The following BRIP1 variants were observed in gnomAD, a reference collection of about 807,000 sequenced individuals.
BRIP1 encodes BRCA1 interacting DNA helicase 1, also known as Fanconi anemia group J protein.
A neutral mutation model predicts 119.7 loss-of-function variants in BRIP1; 88 were observed. The observed-to-expected ratio is 0.74, with a 90% CI of 0.62 to 0.88. The LOEUF (loss-of-function observed/expected upper bound fraction) is 0.88, where lower values mean the gene tolerates loss of function less well. Ranked by LOEUF, BRIP1 falls within the 40% of genes least tolerant of loss-of-function variation. The pLI is 0.00. For missense variants in BRIP1, 1,259 were observed against 1,455.4 expected, an observed-to-expected ratio of 0.87 and a Z score of 2.20; for synonymous variants, 443 against 496.5, an observed-to-expected ratio of 0.89 and a Z score of 1.43.
In BRIP1 at chr17:61,720,851, CT is replaced by C. The variant is rs1055742955; in HGVS notation, c.2380-4789del. ...TACTCTATAACACTGTTAACTTTTT[CT>C]TTTTTTTTTGAGACAGAGTCTCGCT... On this transcript the variant is annotated intron_variant, in intron 16 of 19. Coordinates refer to ENST00000259008, the MANE Select transcript of BRIP1 (RefSeq NM_032043.3). The surrounding 1 kb of genome is among the most constrained non-coding windows in gnomAD (Gnocchi z 4.3). 8.7e-5 allele frequency among the ~76,000 whole-genome samples: 13 copies of C among 149,228 alleles called. No individual in the cohort carries two copies. The highest frequency in any genetic ancestry group is 7.5e-5 in the Non-Finnish European group (5 of 67,030).
In BRIP1 at chr17:61,725,122, AGTGTGTGTGTGTGT is replaced by A. The variant is rs57246896; in HGVS notation, c.2380-9073_2380-9060del. ...AGATTTCTGACACAGTTAACCAAAT[AGTGTGTGTGTGTGT>A]GTGTGTGTGTATATACACTTTTTTT... is the stretch of plus-strand genomic sequence containing the variant. On this transcript the variant is annotated intron_variant, in intron 16 of 19. Coordinates refer to ENST00000259008, the MANE Select transcript of BRIP1 (RefSeq NM_032043.3). This position sits in a 1 kb window ranked among gnomAD's most constrained non-coding sequence, Gnocchi z 5.3. Among the ~76,000 whole-genome samples, 1 of 151,376 alleles carries A rather than the reference AGTGTGTGTGTGTGT, an allele frequency of 6.6e-6. No homozygotes were observed. Among genetic ancestry groups the A allele is most frequent in the African/African-American group, 2.4e-5 (1 of 41,308 alleles).
In BRIP1 at chr17:61,735,405, A is replaced by G. The variant is rs1305428418; in HGVS notation, c.2379+7608T>C. 6.6e-6 allele frequency among the ~76,000 whole-genome samples: 1 copy of G among 152,044 alleles called. No individual in the cohort carries two copies. The highest frequency in any genetic ancestry group is 1.5e-5 in the Non-Finnish European group (1 of 68,010). ...GCTGACTGGGGCTAGAGAGCTTCCT[A>G]TTGGCCTCTGGAAGTATACTGTCAT... On this transcript the variant is annotated intron_variant, in intron 16 of 19. Coordinates refer to ENST00000259008, the MANE Select transcript of BRIP1 (RefSeq NM_032043.3). This position sits in a 1 kb window ranked among gnomAD's most constrained non-coding sequence, Gnocchi z 4.4.
At chr17:61,818,553 A>C (rs967671469) in intron 6 of BRIP1, among the ~76,000 whole-genome samples, 27 of 152,282 alleles carry the variant, frequency 1.8e-4, no homozygotes, top group Admixed American at 3.3e-4. Context: ...AAGTATCTAG[A>C]AAAACCAATC....
intron 10 of BRIP1, among the ~76,000 whole-genome samples, chr17:61,785,899 T>A (rs1040606003): frequency 6.6e-6 from 1 of 151,726 alleles, no homozygotes; most frequent in African/African-American, 2.4e-5. Flanking sequence ...TCAATTCCAG[T>A]TAGCTTACCT....
rs1032321856 is a variant in BRIP1, at chr17:61,843,019, A to G, written c.627+4082T>C. 6.6e-6 allele frequency among the ~76,000 whole-genome samples: 1 copy of G among 152,240 alleles called. No homozygotes were observed. The highest frequency in any genetic ancestry group is 2.4e-5 in the African/African-American group (1 of 41,464). On this transcript the variant is annotated intron_variant, in intron 6 of 19. Coordinates refer to ENST00000259008, the MANE Select transcript of BRIP1 (RefSeq NM_032043.3). This position sits in a 1 kb window ranked among gnomAD's most constrained non-coding sequence, Gnocchi z 5.7. ...AAAATGTGGTGTGTATGTGTATGTC[A>G]ATGGAATATTAGCCCTAAAAAAGAT...
Position 61,755,442 on chromosome 17 carries a change from C to T in BRIP1, c.2098-10851G>A, listed in dbSNP as rs942052256. Among the ~76,000 whole-genome samples the T allele has an allele frequency of 1.4e-4, 21 of 151,948 alleles. No individual in the cohort carries two copies. The highest frequency in any genetic ancestry group is 5.1e-4 in the African/African-American group (21 of 41,360). On this transcript the variant is annotated intron_variant, in intron 14 of 19. Transcript: ENST00000259008. This position sits in a 1 kb window ranked among gnomAD's most constrained non-coding sequence, Gnocchi z 4.5. ...GGTGTGGTGGTGTGTGCCTGTGATC[C>T]CAGTTACTCAGGAGGCTGAGGTGGG...
rs1402937057 is a variant in BRIP1, at chr17:61,832,218, T to G, written c.627+14883A>C. On this transcript the variant is annotated intron_variant, in intron 6 of 19. Transcript: ENST00000259008. The surrounding 1 kb of genome is among the most constrained non-coding windows in gnomAD (Gnocchi z 5.5). The stretch of plus-strand genomic sequence containing the variant: ...AAGGAAGCGTTCCAAGAATGATTGA[T>G]ATATGTCAGAAAGACACAAGCAACT... Among the ~76,000 whole-genome samples the G allele has an allele frequency of 6.6e-6, 1 of 152,198 alleles. No homozygotes were observed. The highest frequency in any genetic ancestry group is 1.5e-5 in the Non-Finnish European group (1 of 68,024).
Position 61,793,465 on chromosome 17 carries a change from T to G in BRIP1, c.1473+132A>C, listed in dbSNP as rs1188035990. ...CTTAAAGATTATCAAATTTAGATAATAAAATTTTTAAAAAATTAAATTGCT... is the reference window on the plus strand; with the variant it reads ...CTTAAAGATTATCAAATTTAGATAAGAAAATTTTTAAAAAATTAAATTGCT... On this transcript the variant is annotated intron_variant, in intron 10 of 19. Coordinates refer to ENST00000259008, the MANE Select transcript of BRIP1 (RefSeq NM_032043.3). This position sits in a 1 kb window ranked among gnomAD's most constrained non-coding sequence, Gnocchi z 5.2. The G allele has an allele frequency of 6.5e-6, 5 of 772,526 alleles. No individual in the cohort carries two copies. The Admixed American group carries it at 1.5e-4, about 24-fold the overall frequency. 47.9% of individuals were successfully genotyped at this position (772,526 alleles called of 1,614,324 possible). A position where few individuals can be genotyped will look rare whatever the true frequency, so the allele number is the denominator to read the frequency against.
Position 61,742,626 on chromosome 17 carries a change from A to G in BRIP1, c.2379+387T>C, listed in dbSNP as rs758306955. ...AGTCCCAAGGAGAGAGAAATGGGGG[A>G]AGGGTAGTCAGTGGAGCAGTTAGAA... On this transcript the variant is annotated intron_variant, in intron 16 of 19. Transcript: ENST00000259008. This position sits in a 1 kb window ranked among gnomAD's most constrained non-coding sequence, Gnocchi z 4.7. Among the ~76,000 whole-genome samples the G allele has an allele frequency of 5.9e-4, 90 of 152,218 alleles. No homozygotes were observed. Among genetic ancestry groups the G allele is most frequent in the Non-Finnish European group, 9.7e-4 (66 of 68,014 alleles).
rs2077784034 is a variant in BRIP1, at chr17:61,789,521, G to T, written c.1473+4076C>A. Among the ~76,000 whole-genome samples the T allele has an allele frequency of 6.6e-6, 1 of 151,902 alleles. No homozygotes were observed. The highest frequency in any genetic ancestry group is 1.5e-5 in the Non-Finnish European group (1 of 67,980). On this transcript the variant is annotated intron_variant, in intron 10 of 19. Coordinates refer to ENST00000259008, the MANE Select transcript of BRIP1 (RefSeq NM_032043.3). The surrounding 1 kb of genome is among the most constrained non-coding windows in gnomAD (Gnocchi z 4.8). ...AATAAATACCTTAAAATTTTTAGGAGAAATATAACATAGGATAAGAAAAGA... is the reference window on the plus strand; with the variant it reads ...AATAAATACCTTAAAATTTTTAGGATAAATATAACATAGGATAAGAAAAGA...
Position 61,680,082 on chromosome 17 carries a change from C to T in BRIP1, c.*3214G>A, listed in dbSNP as rs572900677. Among the ~76,000 whole-genome samples the T allele has an allele frequency of 2.0e-5, 3 of 151,860 alleles. No individual in the cohort carries two copies. The highest frequency in any genetic ancestry group is 4.4e-5 in the Non-Finnish European group (3 of 67,988). On this transcript the variant is annotated 3_prime_UTR_variant, in exon 20 of 20. Transcript: ENST00000259008. ...TCTAGGCCAGGCATGGTGGCTCACG[C>T]CTGTAATCCCAACACTTTGGGAGGC...
chr17:61,696,946 G>A (rs976173181), intron 17 of BRIP1, among the ~76,000 whole-genome samples: 72 of 130,874 alleles, frequency 5.5e-4, no homozygotes, highest in African/African-American at 1.8e-3. Flanking sequence ...AGATTGCGCC[G>A]CTGTACTCCA....
chr17:61,858,575 G>A (rs946619230), intron 3 of BRIP1, among the ~76,000 whole-genome samples: 12 of 152,074 alleles, frequency 7.9e-5, no homozygotes, highest in Admixed American at 6.5e-5. Context: ...GTTTCTCCAC[G>A]TTGGTCTGGC....
In BRIP1 at chr17:61,809,303, C is replaced by T. The variant is rs375758924; in HGVS notation, c.628-546G>A. 9.1e-4 allele frequency among the ~76,000 whole-genome samples: 138 copies of T among 152,070 alleles called. No homozygotes were observed. The highest frequency in any genetic ancestry group is 2.9e-3 in the African/African-American group (122 of 41,502). ...AGAAAATTCTTCTTTAGCAAAGGTA[C>T]GAAAATAAATGCAAAATATTAATAT... On this transcript the variant is annotated intron_variant, in intron 6 of 19. Transcript: ENST00000259008. This position sits in a 1 kb window ranked among gnomAD's most constrained non-coding sequence, Gnocchi z 5.2.
intron 17 of BRIP1, among the ~76,000 whole-genome samples, chr17:61,694,205 C>T (rs575864727): frequency 3.8e-4 from 58 of 152,144 alleles, no homozygotes; most frequent in African/African-American, 1.3e-3. Context: ...TTTTCACCAC[C>T]CCAAAAAGAA....
chr17:61,822,389 C>A lies in BRIP1; in HGVS notation c.628-13632G>T, dbSNP rs1436127382. On this transcript the variant is annotated intron_variant, in intron 6 of 19. Transcript: ENST00000259008. The surrounding 1 kb of genome is among the most constrained non-coding windows in gnomAD (Gnocchi z 4.4). ...AGGAGAAGTAACTAGTTTTTCAGGGCTTGCAGAATCATTTTACTCAATTTG... is the reference window on the plus strand; with the variant it reads ...AGGAGAAGTAACTAGTTTTTCAGGGATTGCAGAATCATTTTACTCAATTTG... Among the ~76,000 whole-genome samples, 3 of 152,068 alleles carry A rather than the reference C, an allele frequency of 2.0e-5. No homozygotes were observed. Among genetic ancestry groups the A allele is most frequent in the Non-Finnish European group, 4.4e-5 (3 of 68,014 alleles).
chr17:61,854,773 A>G (rs866497028), intron 4 of BRIP1, among the ~76,000 whole-genome samples: 5 of 151,878 alleles, frequency 3.3e-5, no homozygotes, highest in African/African-American at 1.2e-4. Context: ...TGCTCCTAGT[A>G]TTCACCCAAG....
At chr17:61,721,462 G>A (rs903729899) in intron 16 of BRIP1, among the ~76,000 whole-genome samples, 7 of 150,952 alleles carry the variant, frequency 4.6e-5, no homozygotes, top group Admixed American at 2.6e-4. Flanking sequence ...GTAGAGACAA[G>A]GTTTCACCAT....
chr17:61,727,721 C>T (rs1247634259), intron 16 of BRIP1, among the ~76,000 whole-genome samples: 2 of 151,978 alleles, frequency 1.3e-5, no homozygotes, highest in African/African-American at 4.8e-5. Context: ...CATGATCTCA[C>T]CACTGCATTT....
Sources: gnomAD v4.1 joint callset for allele counts (sites outside exome capture counted in the v4.1 genomes callset) on GRCh38, gnomAD v4.1.1 for gene constraint, Gnocchi (gnomAD v3.1) non-coding constraint, MANE v1.5 for transcripts, NCBI Gene and HGNC (gene_info 2026-07-23, HGNC 2026-07-21) for gene names.